STK24: variants seen among roughly 807,000 people sequenced by gnomAD.
STK24 encodes serine/threonine-protein kinase 24.
A neutral mutation model predicts 55.6 loss-of-function variants in STK24; 21 were observed. The observed-to-expected ratio is 0.38, with a 90% CI of 0.27 to 0.54. STK24 has a LOEUF of 0.54. STK24 is among the 20% of genes least tolerant of loss of function. The probability of loss-of-function intolerance (pLI) is 0.79; values close to 1 mark genes in which losing one functional copy is unlikely to be tolerated. For missense variants in STK24, 383 were observed against 538.4 expected (o/e 0.71, Z 2.86); for synonymous variants, 200 against 215.2 (o/e 0.93, Z 0.62).
intron 2 of STK24, among the ~76,000 whole-genome samples, chr13:98,504,204 C>G (rs1161693587): frequency 6.8e-6 from 1 of 146,768 alleles, no homozygotes; most frequent in African/African-American, 2.5e-5. Context: ...TAACTGAAGA[C>G]AAAAAAAAAA....
chr13:98,576,648 C>T, intron 1 of STK24, 97 bp downstream of exon 1: 2 of 1,126,872 alleles, frequency 1.8e-6, no homozygotes, highest in South Asian at 1.6e-5. Context: ...GGCGCGACCC[C>T]GGCCGGCTGA....
At chr13:98,543,356 C>G (rs987755048) in intron 1 of STK24, among the ~76,000 whole-genome samples, 2 of 152,136 alleles carry the variant, frequency 1.3e-5, no homozygotes, top group African/African-American at 4.8e-5. Context: ...AAACCTCGAC[C>G]CTCCAGAAGC....
chr13:98,450,490 G>A lies in STK24; in HGVS notation c.*2683C>T, dbSNP rs1893135984. ...TTCCAAGAAAATCAGAACCCAGCAA[G>A]AAGTGGCCAGTGCACCCCAAACCAC... On this transcript the variant is annotated 3_prime_UTR_variant, in exon 11 of 11. Coordinates refer to ENST00000539966, the MANE Select transcript of STK24 (RefSeq NM_001032296.4). 6.6e-6 allele frequency: 1 copy of A among 152,278 alleles called. No individual in the cohort carries two copies. The highest frequency in any genetic ancestry group is 6.5e-5 in the Admixed American group (1 of 15,278). The allele number at this position is 152,278 out of a possible 1,614,324, so 9.4% of individuals were successfully genotyped here.
chr13:98,520,642 G>A (rs1001146286), intron 1 of STK24, among the ~76,000 whole-genome samples: 7 of 152,208 alleles, frequency 4.6e-5, no homozygotes, highest in Non-Finnish European at 5.9e-5. Context: ...CAGCAACGGC[G>A]GTGCCTCATG....
Position 98,461,054 on chromosome 13 carries a change from A to AAGAG in STK24, c.1054-618_1054-615dup, listed in dbSNP as rs71292876. 6.7e-3 allele frequency among the ~76,000 whole-genome samples: 967 copies of AAGAG among 143,674 alleles called. 6 individuals are homozygous for AAGAG. Among genetic ancestry groups the AAGAG allele is most frequent in the Non-Finnish European group, 8.9e-3 (588 of 66,056 alleles). 94.3% of individuals were successfully genotyped at this position (143,674 alleles called of 152,430 possible). A position where few individuals can be genotyped will look rare whatever the true frequency, so the allele number is the denominator to read the frequency against. ...CAGAGACCCCGTCTCAAAAAAAAAA[A>AAGAG]AGAGAGAGAGAGAGAGAGAGAGAAA... is the stretch of plus-strand genomic sequence containing the variant. On this transcript the variant is annotated intron_variant, in intron 8 of 10. Transcript: ENST00000539966.
intron 2 of STK24, among the ~76,000 whole-genome samples, chr13:98,494,428 A>AAAAAAAAGG (rs58955737): frequency 1.3e-5 from 2 of 148,882 alleles, no homozygotes; most frequent in East Asian, 2.0e-4. Context: ...AAAAAAAAAA[A>AAAAAAAAGG]GTGCCTCTAA....
At chr13:98,456,862 G>A (rs1038314899) in intron 10 of STK24, 4 of 475,080 alleles carry the variant, frequency 8.4e-6, no homozygotes, top group Non-Finnish European at 1.1e-5. Context: ...TCATTCTCTG[G>A]CCAATAATTA....
At chr13:98,481,094 G>C (rs758075133) in intron 3 of STK24, among the ~76,000 whole-genome samples, 5 of 152,168 alleles carry the variant, frequency 3.3e-5, no homozygotes, top group African/African-American at 4.8e-5. Context: ...TAAATGACCT[G>C]CACTTACAGA....
chr13:98,498,499 G>T (rs1161461825), intron 2 of STK24, among the ~76,000 whole-genome samples: 3 of 152,212 alleles, frequency 2.0e-5, no homozygotes, highest in Non-Finnish European at 4.4e-5. Flanking sequence ...GACTCATGGG[G>T]TGTCTGCTGG....
chr13:98,530,048 A>T (rs1213325591), intron 1 of STK24, among the ~76,000 whole-genome samples: 1 of 152,148 alleles, frequency 6.6e-6, no homozygotes, highest in Non-Finnish European at 1.5e-5. Context: ...AAATGACGGC[A>T]AAGAAAGAAG....
At chr13:98,522,621 C>T (rs1280771551) in intron 1 of STK24, among the ~76,000 whole-genome samples, 3 of 152,202 alleles carry the variant, frequency 2.0e-5, no homozygotes, top group Non-Finnish European at 2.9e-5. Context: ...CATGTGTGCA[C>T]GGAATTTGCC....
intron 1 of STK24, among the ~76,000 whole-genome samples, chr13:98,537,054 C>A (rs1378087899): frequency 6.6e-6 from 1 of 152,204 alleles, no homozygotes; most frequent in Non-Finnish European, 1.5e-5. Flanking sequence ...GGAGGCTTGG[C>A]AAGTAAGTCA....
intron 1 of STK24, among the ~76,000 whole-genome samples, chr13:98,522,603 T>C (rs1896302981): frequency 6.6e-6 from 1 of 152,178 alleles, no homozygotes; most frequent in African/African-American, 2.4e-5. Context: ...CAGACATCTC[T>C]AGCTCAACAT....
In STK24 at chr13:98,446,697, T is replaced by C; in HGVS notation, c.*6476A>G. 6.2e-7 allele frequency: 1 copy of C among 1,613,970 alleles called. No individual in the cohort carries two copies. Among genetic ancestry groups the C allele is most frequent in the Non-Finnish European group, 8.5e-7 (1 of 1,179,940 alleles). ...CATCCCCTTGCCAGCCTGCCTCTGC[T>C]CGGCTACTCGCTCACCATCCCCTCT... On this transcript the variant is annotated 3_prime_UTR_variant, in exon 11 of 11. Transcript: ENST00000539966.
chr13:98,536,862 CT>C (rs1896751182), intron 1 of STK24, among the ~76,000 whole-genome samples: 1 of 106,214 alleles, frequency 9.4e-6, no homozygotes, highest in African/African-American at 3.6e-5. Flanking sequence ...GGCTGCCACA[CT>C]CCTCCGCCTG....
At chr13:98,483,450 C>A (rs2139306340) in intron 2 of STK24, among the ~76,000 whole-genome samples, 1 of 152,298 alleles carries the variant, frequency 6.6e-6, no homozygotes, top group Admixed American at 6.5e-5. Context: ...TGGGAGAGCA[C>A]TGAGTCCGGC....
In STK24 at chr13:98,494,412, C is replaced by CAAAAAAAAAAAAAAAAA. The variant is rs1162677599; in HGVS notation, c.274-12092_274-12091insTTTTTTTTTTTTTTTTT. ...CTGGGTGACAGAGCCAGACTCGTCTCAAAAAAAAAAAAAAAAGTGCCTCTA... is the reference window on the plus strand; with the variant it reads ...CTGGGTGACAGAGCCAGACTCGTCTCAAAAAAAAAAAAAAAAAAAAAAAAAAAAAAAAAGTGCCTCTA... On this transcript the variant is annotated intron_variant, in intron 2 of 10. Transcript: ENST00000539966. Among the ~76,000 whole-genome samples, 15 of 66,714 alleles carry CAAAAAAAAAAAAAAAAA rather than the reference C, an allele frequency of 2.2e-4. 2 individuals are homozygous for CAAAAAAAAAAAAAAAAA. Among genetic ancestry groups the CAAAAAAAAAAAAAAAAA allele is most frequent in the East Asian group, 6.1e-4 (1 of 1,648 alleles). 43.8% of individuals were successfully genotyped at this position (66,714 alleles called of 152,430 possible).
At chr13:98,576,080 G>C in intron 1 of STK24, 1 of 984,940 alleles carries the variant, frequency 1.0e-6, no homozygotes. Flanking sequence ...GCCGGGCCCG[G>C]GACCCTGGTG....
chr13:98,513,942 C>G (rs577885589), intron 2 of STK24, among the ~76,000 whole-genome samples: 1 of 152,296 alleles, frequency 6.6e-6, no homozygotes, highest in South Asian at 2.1e-4. Context: ...AGGGCCAATA[C>G]AAGAGCATGA....
Sources: allele counts gnomAD v4.1 joint callset (sites outside exome capture counted in the v4.1 genomes callset), GRCh38; gene constraint gnomAD v4.1.1; transcripts MANE v1.5; gene names NCBI Gene and HGNC (gene_info 2026-07-23, HGNC 2026-07-21).